The following CADM2 variants were observed in gnomAD, a reference collection of about 807,000 sequenced individuals.
The protein encoded by CADM2 is cell adhesion molecule 2.
CADM2 carries 12 observed loss-of-function variants against 49.8 expected under a neutral mutation model. That is an observed-to-expected ratio of 0.24 (90% CI 0.15 to 0.39). The LOEUF (loss-of-function observed/expected upper bound fraction) is 0.39, where lower values mean the gene tolerates loss of function less well. CADM2 is among the 10% of genes least tolerant of loss of function. The pLI is 1.00. For missense variants in CADM2, 378 were observed against 492.3 expected, an observed-to-expected ratio of 0.77 and a Z score of 2.20; for synonymous variants, 214 against 175.4, an observed-to-expected ratio of 1.22 and a Z score of -1.74.
chr3:85,634,867 C>G (rs1390061559), intron 1 of CADM2, among the ~76,000 whole-genome samples: 3 of 144,278 alleles, frequency 2.1e-5, no homozygotes, highest in African/African-American at 7.4e-5. Context: ...TTTATACATT[C>G]AATTTTCAAA....
chr3:85,829,563 A>G (rs2074088311), intron 3 of CADM2, among the ~76,000 whole-genome samples: 1 of 151,952 alleles, frequency 6.6e-6, no homozygotes, highest in Non-Finnish European at 1.5e-5. Context: ...AATGATTACC[A>G]CAATCAAATT....
intron 3 of CADM2, among the ~76,000 whole-genome samples, chr3:85,854,556 A>C (rs2075233034): frequency 6.6e-6 from 1 of 152,100 alleles, no homozygotes; most frequent in Non-Finnish European, 1.5e-5. Flanking sequence ...AAATGTTCTC[A>C]CTCATAAGTG....
At position 85,033,240 on chromosome 3, in the gene CADM2, T is replaced by C. The variant is rs192887061; in HGVS notation, c.61+73572T>C. 8.4e-3 allele frequency among the ~76,000 whole-genome samples: 1,279 copies of C among 152,258 alleles called. 13 individuals carry two copies. Among genetic ancestry groups the C allele is most frequent in the Middle Eastern group, 0.031 (9 of 294 alleles). On this transcript the variant is annotated intron_variant, in intron 1 of 9. Transcript: ENST00000383699. ...CTAGCTGCCAACAGTAATTAAAAAT[T>C]GGGTTTATTCCCTAACGACGCATTA...
intron 2 of CADM2, among the ~76,000 whole-genome samples, chr3:85,739,888 A>G (rs1288367344): frequency 6.6e-6 from 1 of 152,188 alleles, no homozygotes; most frequent in Non-Finnish European, 1.5e-5. Flanking sequence ...GTGATGCCCA[A>G]GTGTGCATTC....
At chr3:85,109,044 T>C (rs2038354065) in intron 1 of CADM2, among the ~76,000 whole-genome samples, 1 of 152,116 alleles carries the variant, frequency 6.6e-6, no homozygotes, top group Non-Finnish European at 1.5e-5. Context: ...TTAACAAGTT[T>C]ATTTATTACT....
intron 1 of CADM2, among the ~76,000 whole-genome samples, chr3:85,305,403 T>G (rs2044188865): frequency 6.6e-6 from 1 of 151,698 alleles, no homozygotes; most frequent in Non-Finnish European, 1.5e-5. Flanking sequence ...GGTGATCCTG[T>G]AATACATTTT....
chr3:85,062,448 C>A (rs553604412), intron 1 of CADM2, among the ~76,000 whole-genome samples: 25 of 151,944 alleles, frequency 1.6e-4, no homozygotes, highest in African/African-American at 5.8e-4. Flanking sequence ...CATATATTTT[C>A]ATTCTAAATA....
At chr3:85,950,044 G>A (rs1291011644) in intron 7 of CADM2, among the ~76,000 whole-genome samples, 2 of 151,008 alleles carry the variant, frequency 1.3e-5, no homozygotes, top group African/African-American at 2.4e-5. Context: ...TTTTCATTAT[G>A]AAAACACGAA....
intron 1 of CADM2, among the ~76,000 whole-genome samples, chr3:85,033,537 G>A (rs2035079287): frequency 6.6e-6 from 1 of 152,096 alleles, no homozygotes; most frequent in African/African-American, 2.4e-5. Context: ...GTTATTCCTT[G>A]TATTGTAACT....
chr3:85,882,887 A>T (rs1713023269), intron 3 of CADM2, among the ~76,000 whole-genome samples: 1 of 152,154 alleles, frequency 6.6e-6, no homozygotes, highest in South Asian at 2.1e-4. Flanking sequence ...GTTGCCTTGG[A>T]AGTCCTGCAG....
At chr3:84,969,867 C>T (rs2031289037) in intron 1 of CADM2, among the ~76,000 whole-genome samples, 1 of 151,814 alleles carries the variant, frequency 6.6e-6, no homozygotes, top group South Asian at 2.1e-4. Context: ...CTTTAATCTA[C>T]TTTCTAAAGA....
At chr3:85,396,222 T>G (rs1313371471) in intron 1 of CADM2, among the ~76,000 whole-genome samples, 1 of 151,754 alleles carries the variant, frequency 6.6e-6, no homozygotes, top group African/African-American at 2.4e-5. Flanking sequence ...TTAGTGAAGC[T>G]GTAAAGTTTT....
rs141942316 is a variant in CADM2 at position 85,390,395 on chromosome 3, G to C, written c.62-336127G>C. On this transcript the variant is annotated intron_variant, in intron 1 of 9. Coordinates refer to ENST00000383699, the MANE Select transcript of CADM2 (RefSeq NM_001167675.2). ...TTACTTTTTTCCAAGGTATTGAAGTGTAAAATCACACATTTCTGTCTTCAT... is the reference window on the plus strand; with the variant it reads ...TTACTTTTTTCCAAGGTATTGAAGTCTAAAATCACACATTTCTGTCTTCAT... Among the ~76,000 whole-genome samples the C allele has an allele frequency of 6.0e-3, 911 of 152,168 alleles. 9 individuals carry two copies. The highest frequency in any genetic ancestry group is 0.019 in the African/African-American group (798 of 41,540).
At chr3:85,530,879 C>T (rs916169771) in intron 1 of CADM2, among the ~76,000 whole-genome samples, 1 of 145,084 alleles carries the variant, frequency 6.9e-6, no homozygotes, top group Non-Finnish European at 1.5e-5. Context: ...CACACACACA[C>T]ACACACACAC....
intron 1 of CADM2, among the ~76,000 whole-genome samples, chr3:85,432,970 G>GA (rs950852738): frequency 1.3e-5 from 2 of 151,320 alleles, no homozygotes; most frequent in South Asian, 2.1e-4. Context: ...ATTCATTTGA[G>GA]AAAAAAAATA....
intron 1 of CADM2, among the ~76,000 whole-genome samples, chr3:85,014,205 GTAA>G (rs1289128514): frequency 1.4e-5 from 2 of 146,434 alleles, no homozygotes; most frequent in East Asian, 2.0e-4. Flanking sequence ...TATACGCAGT[GTAA>G]TAATGTATAT....
intron 1 of CADM2, among the ~76,000 whole-genome samples, chr3:85,392,850 T>C (rs1003772341): frequency 6.6e-6 from 1 of 152,114 alleles, no homozygotes; most frequent in African/African-American, 2.4e-5. Context: ...ACATTTGTAA[T>C]GATATTTTTC....
intron 2 of CADM2, among the ~76,000 whole-genome samples, chr3:85,730,039 T>C (rs1456900942): frequency 3.3e-5 from 5 of 152,210 alleles, no homozygotes; most frequent in Non-Finnish European, 7.3e-5. Flanking sequence ...TTAAAAGATT[T>C]GAAATACCTT....
chr3:85,278,521 G>A (rs980637415), intron 1 of CADM2, among the ~76,000 whole-genome samples: 24 of 151,242 alleles, frequency 1.6e-4, no homozygotes, highest in African/African-American at 5.8e-4. Context: ...GATTTTACAC[G>A]TTCTTTTCTT....
Sources: allele counts gnomAD v4.1 joint callset (sites outside exome capture counted in the v4.1 genomes callset), GRCh38; gene constraint gnomAD v4.1.1; transcripts MANE v1.5; gene names NCBI Gene and HGNC (gene_info 2026-07-23, HGNC 2026-07-21).